Variants in CCDC146 observed in about 807,000 individuals in gnomAD.
CCDC146 encodes coiled-coil domain containing 146.
A neutral mutation model predicts 119.3 loss-of-function variants in CCDC146; 92 were observed. The ratio of observed to expected loss-of-function variants is 0.77; its 90% CI spans 0.65 to 0.92. CCDC146 has a LOEUF of 0.92. Among genes scored for constraint, CCDC146 ranks in the 40% least tolerant of loss-of-function variants. The pLI, the probability that CCDC146 is intolerant of heterozygous loss-of-function variation, is 0.00. For synonymous variants in CCDC146, 372 were observed against 371.8 expected (o/e 1.00, Z -0.01); for missense variants, 1,000 against 1,103.0 (o/e 0.91, Z 1.32).
intron 2 of CCDC146, among the ~76,000 whole-genome samples, chr7:77,189,505 C>G (rs1473093109): frequency 6.6e-6 from 1 of 152,180 alleles, no homozygotes; most frequent in Non-Finnish European, 1.5e-5. Flanking sequence ...AAAAGCGACC[C>G]CTTTAAAACT....
intron 9 of CCDC146, among the ~76,000 whole-genome samples, chr7:77,270,505 G>T (rs1793491127): frequency 6.6e-6 from 1 of 152,138 alleles, no homozygotes; most frequent in African/African-American, 2.4e-5. Flanking sequence ...AGACCATGTA[G>T]TTAGAACTTT....
intron 2 of CCDC146, among the ~76,000 whole-genome samples, chr7:77,176,626 C>G (rs999243354): frequency 6.6e-6 from 1 of 152,098 alleles, no homozygotes; most frequent in Non-Finnish European, 1.5e-5. Flanking sequence ...ATTCAGAATG[C>G]TTTCTGAAAG....
At chr7:77,287,376 G>T (rs1297990885) in intron 16 of CCDC146, 64 bp from the exon 17 acceptor site, 1 of 1,555,762 alleles carries the variant, frequency 6.4e-7, no homozygotes, top group African/African-American at 1.4e-5. Flanking sequence ...GCTCTAATTA[G>T]GAAATAAGAT....
At chr7:77,231,658 T>G (rs1377044604) in intron 2 of CCDC146, among the ~76,000 whole-genome samples, 1 of 152,118 alleles carries the variant, frequency 6.6e-6, no homozygotes, top group Non-Finnish European at 1.5e-5. Context: ...AATTTCTTCT[T>G]ACTGACAATC....
chr7:77,239,457 A>G (rs1792803262), intron 3 of CCDC146, among the ~76,000 whole-genome samples: 1 of 152,244 alleles, frequency 6.6e-6, no homozygotes, highest in Non-Finnish European at 1.5e-5. Context: ...GCTAGATGCT[A>G]TTGAGCAAAT....
At chr7:77,161,960 T>G (rs1261412758) in intron 1 of CCDC146, among the ~76,000 whole-genome samples, 8 of 152,198 alleles carry the variant, frequency 5.3e-5, no homozygotes, top group Non-Finnish European at 7.4e-5. Context: ...CGGAAAAATG[T>G]CTATTCAGCT....
chr7:77,222,257 GA>G (rs1792419554), intron 2 of CCDC146, among the ~76,000 whole-genome samples: 1 of 152,208 alleles, frequency 6.6e-6, no homozygotes, highest in Non-Finnish European at 1.5e-5. Context: ...GAGTAGCCGT[GA>G]AAGGCTTCAC....
rs2150430627 is a variant in CCDC146 at position 77,196,375 on chromosome 7, A to G, written c.156+28551A>G. On this transcript the variant is annotated intron_variant, in intron 2 of 18. Coordinates refer to ENST00000285871, the MANE Select transcript of CCDC146 (RefSeq NM_020879.3). This position sits in a 1 kb window ranked among gnomAD's most constrained non-coding sequence, Gnocchi z 4.2. ...GTGCCTCACTTACACCAGGCCAGGT[A>G]CCCCAGAAAATCCCATTACGGACAC... The G allele has an allele frequency of 6.2e-7, 1 of 1,614,118 alleles. No homozygotes were observed. The highest frequency in any genetic ancestry group is 1.6e-4 in the Middle Eastern group (1 of 6,062).
intron 1 of CCDC146, among the ~76,000 whole-genome samples, chr7:77,145,800 T>C (rs1454845931): frequency 6.6e-6 from 1 of 152,186 alleles, no homozygotes; most frequent in Non-Finnish European, 1.5e-5. Flanking sequence ...TTATAATTTC[T>C]GTTCTTTTAC....
At chr7:77,234,748 A>T (rs1047514312) in intron 2 of CCDC146, among the ~76,000 whole-genome samples, 1 of 152,194 alleles carries the variant, frequency 6.6e-6, no homozygotes, top group African/African-American at 2.4e-5. Context: ...GGAAAAAAAA[A>T]GTTATAAATA....
At chr7:77,127,688 T>A (rs1336044282) in intron 1 of CCDC146, among the ~76,000 whole-genome samples, 1 of 152,090 alleles carries the variant, frequency 6.6e-6, no homozygotes, top group African/African-American at 2.4e-5. Flanking sequence ...TGCTCAGAAG[T>A]CAATACGCTT....
In CCDC146 at chr7:77,256,474, C is replaced by G; in HGVS notation, c.649C>G (p.Leu217Val). The G allele has an allele frequency of 1.9e-6, 3 of 1,605,480 alleles. No homozygotes were observed. The highest frequency in any genetic ancestry group is 2.5e-6 in the Non-Finnish European group (3 of 1,177,912). Residue 217 changes from leucine (L) to valine (V), a missense_variant, in exon 6 of 19, where the codon CTA becomes GTA. Transcript: ENST00000285871. ...QKQLLKEQKE[L>V]EELLGHQVVL... ...GCAATTATTAAAAGAGCAGAAGGAA[C>G]TAGAAGAATTGTTGGGACATCAGGT...
chr7:77,148,424 C>A (rs554560714), intron 1 of CCDC146, among the ~76,000 whole-genome samples: 1 of 152,228 alleles, frequency 6.6e-6, no homozygotes, highest in Non-Finnish European at 1.5e-5. Context: ...CTCCTGCCCC[C>A]ACTGTTCAAC....
intron 17 of CCDC146, among the ~76,000 whole-genome samples, chr7:77,289,816 A>C (rs1339128946): frequency 6.6e-6 from 1 of 152,218 alleles, no homozygotes; most frequent in Non-Finnish European, 1.5e-5. Context: ...TAATTTATGG[A>C]AGAGAAGGGA....
chr7:77,160,225 G>T (rs372299949), intron 1 of CCDC146, among the ~76,000 whole-genome samples: 7 of 152,032 alleles, frequency 4.6e-5, no homozygotes, highest in South Asian at 4.2e-4. Context: ...TTTGTTCTTT[G>T]GGCTTAGGAT....
chr7:77,288,193 C>A (rs1793882483), intron 17 of CCDC146, among the ~76,000 whole-genome samples: 1 of 152,198 alleles, frequency 6.6e-6, no homozygotes, highest in Admixed American at 6.5e-5. Flanking sequence ...CCCTAGAAGT[C>A]CCCCTGGACT....
intron 3 of CCDC146, among the ~76,000 whole-genome samples, chr7:77,239,049 C>T (rs188702207): frequency 6.6e-6 from 1 of 152,270 alleles, no homozygotes; most frequent in Admixed American, 6.5e-5. Context: ...GCAGATATAG[C>T]CTGGAAATAT....
chr7:77,249,349 G>A (rs1456070675), intron 4 of CCDC146, among the ~76,000 whole-genome samples: 1 of 151,952 alleles, frequency 6.6e-6, no homozygotes, highest in African/African-American at 2.4e-5. Flanking sequence ...TTAGCTGGGC[G>A]TGGTGGTGCA....
intron 2 of CCDC146, among the ~76,000 whole-genome samples, chr7:77,168,377 C>T (rs1791370391): frequency 6.6e-6 from 1 of 150,666 alleles, no homozygotes; most frequent in African/African-American, 2.4e-5. Flanking sequence ...TAAGTAATGG[C>T]TGACTATGTA....
Sources: gnomAD v4.1 joint callset for allele counts (sites outside exome capture counted in the v4.1 genomes callset) on GRCh38, gnomAD v4.1.1 for gene constraint, Gnocchi (gnomAD v3.1) non-coding constraint, MANE v1.5 for transcripts, NCBI Gene and HGNC (gene_info 2026-07-23, HGNC 2026-07-21) for gene names.